Variants in PCDHA3 observed in about 807,000 individuals in gnomAD.
The protein encoded by PCDHA3 is protocadherin alpha 3.
In PCDHA3, 41 loss-of-function variants were observed where a neutral mutation model predicts 62.2. That is an observed-to-expected ratio of 0.66 (90% CI 0.51 to 0.86). The LOEUF is 0.86. Among genes scored for constraint, PCDHA3 ranks in the 40% least tolerant of loss-of-function variants. The probability of loss-of-function intolerance (pLI) is 0.00; values close to 1 mark genes in which losing one functional copy is unlikely to be tolerated. For synonymous variants in PCDHA3, 640 were observed against 555.4 expected, an observed-to-expected ratio of 1.15 and a Z score of -2.14; for missense variants, 1,304 against 1,241.2, an observed-to-expected ratio of 1.05 and a Z score of -0.76.
intron 1 of PCDHA3, chr5:140,834,538 T>C: frequency 1.9e-6 from 3 of 1,614,074 alleles, no homozygotes; most frequent in Non-Finnish European, 2.5e-6. Flanking sequence ...GCGCAGGACC[T>C]GGGGCTGGAG....
At chr5:140,911,592 A>G (rs1255304289) in intron 1 of PCDHA3, among the ~76,000 whole-genome samples, 1 of 152,212 alleles carries the variant, frequency 6.6e-6, no homozygotes, top group Non-Finnish European at 1.5e-5. Flanking sequence ...GGAGGAACCA[A>G]CCAACTTCAT....
At position 140,836,280 on chromosome 5, in the gene PCDHA3, A is replaced by G. The variant is rs1774331146; in HGVS notation, c.2394+32689A>G. 6.2e-7 allele frequency: 1 copy of G among 1,613,762 alleles called. No homozygotes were observed. Among genetic ancestry groups the G allele is most frequent in the African/African-American group, 1.3e-5 (1 of 74,966 alleles). On this transcript the variant is annotated intron_variant, in intron 1 of 3. Coordinates refer to ENST00000522353, the MANE Select transcript of PCDHA3 (RefSeq NM_018906.3). ...GGGGCTGTACACTGGTGAGATCAGCACGACACGAGCCCTAGATGAGACGGA... is the reference window on the plus strand; with the variant it reads ...GGGGCTGTACACTGGTGAGATCAGCGCGACACGAGCCCTAGATGAGACGGA...
intron 1 of PCDHA3, among the ~76,000 whole-genome samples, chr5:140,960,717 T>TATTTTAGTCCATG (rs1244851083): frequency 3.3e-5 from 1 of 30,264 alleles, no homozygotes; most frequent in Non-Finnish European, 6.2e-5. Flanking sequence ...ATACTCATCT[T>TATTTTAGTCCATG]ATTTTAGTCC....
intron 1 of PCDHA3, chr5:140,843,306 C>T (rs1393236321): frequency 1.3e-6 from 2 of 1,596,004 alleles, no homozygotes; most frequent in Non-Finnish European, 1.7e-6. Context: ...CTGACCGCCA[C>T]GGCCACGGTT....
rs2150436326 is a variant in PCDHA3 at position 140,849,370 on chromosome 5, A to C, written c.2394+45779A>C. ...GATGTTTCTCCAGATATAAAATCCA[A>C]GTTCCACATGGACCCCTTAAGTGGG... On this transcript the variant is annotated intron_variant, in intron 1 of 3. Transcript: ENST00000522353. 2.7e-6 allele frequency: 4 copies of C among 1,490,456 alleles called. No homozygotes were observed. The East Asian group carries it at 9.1e-5, about 34-fold the overall frequency. The allele number at this position is 1,490,456 out of a possible 1,614,324, so 92.3% of individuals were successfully genotyped here. A position where few individuals can be genotyped will look rare whatever the true frequency, so the allele number is the denominator to read the frequency against.
At chr5:140,871,648 T>C (rs948584860) in intron 1 of PCDHA3, 2 of 1,275,648 alleles carry the variant, frequency 1.6e-6, no homozygotes, top group Non-Finnish European at 2.1e-6. Context: ...AAATACCAAA[T>C]GATACACATC....
chr5:140,946,374 C>T (rs1371899868), intron 1 of PCDHA3, among the ~76,000 whole-genome samples: 5 of 151,656 alleles, frequency 3.3e-5, no homozygotes, highest in African/African-American at 9.7e-5. Flanking sequence ...CTCTTGCACA[C>T]GGTTGGTAGG....
At chr5:140,883,219 A>G (rs1416740017) in intron 1 of PCDHA3, 1 of 1,613,942 alleles carries the variant, frequency 6.2e-7, no homozygotes, top group Non-Finnish European at 8.5e-7. Flanking sequence ...AATTATATGA[A>G]ATATCCGTGG....
At chr5:140,824,778 C>G (rs189409181) in intron 1 of PCDHA3, 1 of 151,724 alleles carries the variant, frequency 6.6e-6, no homozygotes, top group Non-Finnish European at 1.5e-5. Context: ...TGTTTTAACA[C>G]CACCCTTCCA....
intron 1 of PCDHA3, among the ~76,000 whole-genome samples, chr5:140,892,996 G>A (rs1014134688): frequency 2.0e-5 from 3 of 152,162 alleles, no homozygotes; most frequent in Admixed American, 1.3e-4. Flanking sequence ...GTGAGAACAT[G>A]TATTTATTTT....
intron 1 of PCDHA3, among the ~76,000 whole-genome samples, chr5:140,820,744 T>C: frequency 6.6e-6 from 1 of 151,038 alleles, no homozygotes; most frequent in African/African-American, 2.5e-5. Context: ...TGTGAAATAG[T>C]ATGTCATATA....
chr5:140,966,435 C>G (rs1554228292), intron 1 of PCDHA3: 5 of 423,758 alleles, frequency 1.2e-5, no homozygotes, highest in African/African-American at 1.0e-4. Context: ...GCCCTCCTAC[C>G]GCTCCCTTTC....
chr5:140,833,355 A>T (rs1008230384), intron 1 of PCDHA3, among the ~76,000 whole-genome samples: 7 of 152,200 alleles, frequency 4.6e-5, no homozygotes, highest in Non-Finnish European at 1.5e-5. Flanking sequence ...CAGAAAACGA[A>T]CACAGTAAGG....
chr5:140,997,375 G>A (rs983164883), intron 3 of PCDHA3, among the ~76,000 whole-genome samples: 1 of 152,066 alleles, frequency 6.6e-6, no homozygotes, highest in Non-Finnish European at 1.5e-5. Flanking sequence ...AGATGATATA[G>A]CATACTACAC....
At chr5:140,809,544 T>G in intron 1 of PCDHA3, 1 of 1,613,228 alleles carries the variant, frequency 6.2e-7, no homozygotes. Context: ...GAAGATCAGC[T>G]GCAGACAACT....
chr5:140,866,976 C>T (rs2049689450), intron 1 of PCDHA3: 2 of 152,224 alleles, frequency 1.3e-5, no homozygotes, highest in East Asian at 1.9e-4. Context: ...TCTGAAATAT[C>T]ACAGCCAAAA....
At chr5:140,897,050 G>C (rs1269082503) in intron 1 of PCDHA3, among the ~76,000 whole-genome samples, 1 of 152,014 alleles carries the variant, frequency 6.6e-6, no homozygotes, top group African/African-American at 2.4e-5. Flanking sequence ...CTATTCTGCT[G>C]TCAAATACTA....
At chr5:140,961,342 A>AC (rs2095605510) in intron 1 of PCDHA3, among the ~76,000 whole-genome samples, 1 of 152,164 alleles carries the variant, frequency 6.6e-6, no homozygotes, top group South Asian at 2.1e-4. Flanking sequence ...CCAAGAGTGG[A>AC]TCCCTGTAGT....
chr5:140,875,749 G>A (rs782793601), intron 1 of PCDHA3: 3 of 1,614,264 alleles, frequency 1.9e-6, no homozygotes, highest in African/African-American at 1.3e-5. Flanking sequence ...GATCGACCGC[G>A]AGAAGCTGTG....
Sources: gnomAD v4.1 joint callset for allele counts (sites outside exome capture counted in the v4.1 genomes callset) on GRCh38, gnomAD v4.1.1 for gene constraint, MANE v1.5 for transcripts, NCBI Gene and HGNC (gene_info 2026-07-23, HGNC 2026-07-21) for gene names.